VPS13C: variants seen among roughly 807,000 people sequenced by gnomAD.
VPS13C encodes the protein vacuolar protein sorting 13 homolog C, also known as intermembrane lipid transfer protein VPS13C.
A neutral mutation model predicts 456.8 loss-of-function variants in VPS13C; 358 were observed. The ratio of observed to expected loss-of-function variants is 0.78; its 90% confidence interval spans 0.72 to 0.86. The LOEUF (loss-of-function observed/expected upper bound fraction) is 0.86, where lower values mean the gene tolerates loss of function less well. VPS13C is among the 40% of genes least tolerant of loss of function. The pLI is 0.00. For synonymous variants in VPS13C, 1,578 were observed against 1,486.7 expected, an observed-to-expected ratio of 1.06 and a Z score of -1.41; for missense variants, 4,818 against 4,385.4, an observed-to-expected ratio of 1.10 and a Z score of -2.79.
chr15:62,015,853 C>G (rs12438476), intron 9 of VPS13C, among the ~76,000 whole-genome samples: 45,452 of 127,006 alleles, frequency 0.36, 7,962 homozygotes, highest in Admixed American at 0.47. Flanking sequence ...TTAGTGGGTG[C>G]AGCGCACCAG....
intron 61 of VPS13C, 99 bp downstream of exon 61, chr15:61,915,534 A>T (rs1038644174): frequency 1.1e-5 from 14 of 1,266,462 alleles, no homozygotes; most frequent in Non-Finnish European, 1.1e-5. Flanking sequence ...AATGGCATTT[A>T]GCAAATAGGT....
At chr15:61,952,144 C>T (rs886810369) in intron 38 of VPS13C, among the ~76,000 whole-genome samples, 164 bp from the exon 39 acceptor site, 2 of 152,194 alleles carry the variant, frequency 1.3e-5, no homozygotes, top group South Asian at 2.1e-4. Flanking sequence ...CCCAGAACTC[C>T]TAGTCTGATG....
chr15:62,058,350 C>T (rs1163482409), intron 1 of VPS13C, among the ~76,000 whole-genome samples: 2 of 152,120 alleles, frequency 1.3e-5, no homozygotes, highest in Non-Finnish European at 2.9e-5. Flanking sequence ...CTTTACTTAC[C>T]TTTCCTTTAC....
rs1052397161 is a variant in VPS13C at position 61,991,092 on chromosome 15, T to C, written c.1486A>G (p.Ile496Val). 11 of 1,596,620 alleles carry C rather than the reference T, an allele frequency of 6.9e-6. No homozygotes were observed. Among genetic ancestry groups the C allele is most frequent in the Non-Finnish European group, 9.4e-6 (11 of 1,174,502 alleles). ...TCCTCTGGAGTCATAAGGTCATCAA[T>C]AGCTATGAAAAAACAACATTTTAAG... ...KDEESLIPET[I>V]DDLMTPEEKD... The change falls in exon 18 of 85, where the codon ATT becomes GTT. Residue 496 changes from isoleucine (I) to valine (V), a missense_variant and splice_region_variant. Ile to Val is a conservative substitution (Grantham distance 29, BLOSUM62 3). Transcript: ENST00000644861.
At chr15:62,007,260 A>G in intron 15 of VPS13C, 48 bp downstream of exon 15, 1 of 1,286,452 alleles carries the variant, frequency 7.8e-7, no homozygotes, top group African/African-American at 1.5e-5. Context: ...AGAATATTAA[A>G]GGATGATTAG....
Position 61,897,601 on chromosome 15 carries a change from G to A in VPS13C, c.9106-7201C>T, listed in dbSNP as rs112375085. ...AAGCCTCCAAGAAATATGGGACTAT[G>A]TGAAAAGACTAAATCTACGTCTGAT... On this transcript the variant is annotated intron_variant, in intron 66 of 84. Transcript: ENST00000644861. 1.2e-4 allele frequency among the ~76,000 whole-genome samples: 19 copies of A among 152,286 alleles called. No homozygotes were observed. In the South Asian group the frequency reaches 3.9e-3, roughly 32 times the overall value.
chr15:61,977,886 G>A (rs1177133067), intron 23 of VPS13C, among the ~76,000 whole-genome samples: 2 of 151,950 alleles, frequency 1.3e-5, no homozygotes. Flanking sequence ...TGAAAAGTAA[G>A]TAGAGCATTA....
Position 61,910,861 on chromosome 15 carries a change from G to C in VPS13C, c.8716-556C>G, listed in dbSNP as rs116009354. On this transcript the variant is annotated intron_variant, in intron 63 of 84. Transcript: ENST00000644861. ...AGATTTCATTCCTAATACAAAATGT[G>C]CTTCTGTTATAGAATACTAAGTAAA... is the stretch of plus-strand genomic sequence containing the variant. Among the ~76,000 whole-genome samples the C allele has an allele frequency of 6.8e-3, 1,039 of 151,980 alleles. 10 individuals carry two copies. The highest frequency in any genetic ancestry group is 0.024 in the African/African-American group (997 of 41,446).
intron 30 of VPS13C, among the ~76,000 whole-genome samples, chr15:61,965,600 T>C (rs1220215381): frequency 6.6e-6 from 1 of 151,902 alleles, no homozygotes; most frequent in Non-Finnish European, 1.5e-5. Context: ...GATTTCCCCA[T>C]CTCTCAAAAA....
intron 56 of VPS13C, 52 bp from the exon 57 acceptor site, chr15:61,920,383 C>T (rs765567254): frequency 1.3e-6 from 2 of 1,517,182 alleles, no homozygotes; most frequent in African/African-American, 2.8e-5. Flanking sequence ...ATACATTCTT[C>T]CCAAAACCTA....
At chr15:61,944,952 T>C (rs1343606098) in intron 45 of VPS13C, among the ~76,000 whole-genome samples, 1 of 152,160 alleles carries the variant, frequency 6.6e-6, no homozygotes, top group African/African-American at 2.4e-5. Context: ...CCAAATCTCA[T>C]CTCGAATTGT....
chr15:61,873,425 G>A lies in VPS13C; in HGVS notation c.10415-16C>T. On this transcript the variant is annotated splice_polypyrimidine_tract_variant and intron_variant, in intron 77 of 84. Coordinates refer to ENST00000644861, the MANE Select transcript of VPS13C (RefSeq NM_020821.3). ...GCTGCACCACCTATCAAAGACAAGGGATTAATTTCTAGAATATACAAGGAA... is the reference window on the plus strand; with the variant it reads ...GCTGCACCACCTATCAAAGACAAGGAATTAATTTCTAGAATATACAAGGAA... 1 of 1,611,914 alleles carries A rather than the reference G, an allele frequency of 6.2e-7. No homozygotes were observed. Among genetic ancestry groups the A allele is most frequent in the Non-Finnish European group, 8.5e-7 (1 of 1,178,688 alleles).
In VPS13C at chr15:62,028,358, C is replaced by A; in HGVS notation, c.448G>T (p.Gly150Ter). The A allele has an allele frequency of 6.2e-7, 1 of 1,612,774 alleles. No homozygotes were observed. The highest frequency in any genetic ancestry group is 8.5e-7 in the Non-Finnish European group (1 of 1,179,122). Residue 150 changes from glycine to a stop codon, truncating the protein, a stop_gained and splice_region_variant, in exon 6 of 85, where the codon GGA (glycine) becomes TGA (stop). Transcript: ENST00000644861. LOFTEE classifies it high-confidence loss of function. ...AATATAATTAACCATGCATACCCAC[C>A]AGGCTTGATGTCCTTGTAAACAAAG... Reference protein sequence around the residue: ...ENFVYKDIKPGRKRKKHKKHF... With the variant: ...ENFVYKDIKP
At chr15:61,959,420 G>T in intron 36 of VPS13C, 28 bp downstream of exon 36, 1 of 1,529,784 alleles carries the variant, frequency 6.5e-7, no homozygotes, top group Middle Eastern at 1.8e-4. Flanking sequence ...TTTCAACAAT[G>T]AAGTTTTTTC....
chr15:62,004,405 C>A (rs1170759830), intron 15 of VPS13C, among the ~76,000 whole-genome samples: 1 of 152,044 alleles, frequency 6.6e-6, no homozygotes, highest in Non-Finnish European at 1.5e-5. Context: ...TTTGATTCTT[C>A]TCTTTTTTCT....
chr15:61,954,127 TGAC>T (rs1418064615), intron 38 of VPS13C, among the ~76,000 whole-genome samples: 1 of 152,214 alleles, frequency 6.6e-6, no homozygotes, highest in Non-Finnish European at 1.5e-5. Flanking sequence ...AGAATTTATC[TGAC>T]ACTATTGTCC....
chr15:61,877,186 A>C, intron 74 of VPS13C, 132 bp from the exon 75 acceptor site: 2 of 568,962 alleles, frequency 3.5e-6, no homozygotes, highest in Middle Eastern at 4.9e-4. Context: ...TTTACCACAT[A>C]CAATTTATGA....
rs2140827221 is a variant in VPS13C, at chr15:61,854,447, A to G, written c.*10T>C. 3.1e-6 allele frequency: 5 copies of G among 1,612,192 alleles called. No individual in the cohort carries two copies. The highest frequency in any genetic ancestry group is 4.2e-6 in the Non-Finnish European group (5 of 1,178,222). On this transcript the variant is annotated 3_prime_UTR_variant, in exon 85 of 85. Transcript: ENST00000644861. ...TTTTTTCTCCCTGTTGGAGCCCCTG[A>G]GGTCTGTGATTAAGATGGCAATTGG...
At chr15:61,928,732 A>C (rs2043953498) in intron 51 of VPS13C, among the ~76,000 whole-genome samples, 1 of 151,962 alleles carries the variant, frequency 6.6e-6, no homozygotes, top group African/African-American at 2.4e-5. Context: ...AACAAAAAAT[A>C]CCAGGTGTGG....
Sources: gnomAD v4.1 joint callset for allele counts (sites outside exome capture counted in the v4.1 genomes callset) on GRCh38, gnomAD v4.1.1 for gene constraint, MANE v1.5 for transcripts, NCBI Gene and HGNC (gene_info 2026-07-23, HGNC 2026-07-21) for gene names.